Variants in TUNAR observed in about 807,000 individuals in gnomAD.
The protein encoded by TUNAR is protein TUNAR.
At chr14:95,912,523 A>G (rs1317049483) in intron 2 of TUNAR, among the ~76,000 whole-genome samples, 2 of 152,198 alleles carry the variant, frequency 1.3e-5, no homozygotes, top group Admixed American at 6.5e-5. Flanking sequence ...TTATTTTAAC[A>G]TTGTTTGGTT....
intron 2 of TUNAR, among the ~76,000 whole-genome samples, chr14:95,917,787 A>G (rs74085762): frequency 0.039 from 5,951 of 152,318 alleles, 386 homozygotes; most frequent in African/African-American, 0.13. Flanking sequence ...TTAAAAATTA[A>G]CATCTTGATT....
At chr14:95,893,749 G>A (rs1889216351) in intron 2 of TUNAR, among the ~76,000 whole-genome samples, 1 of 152,212 alleles carries the variant, frequency 6.6e-6, no homozygotes, top group African/African-American at 2.4e-5. Context: ...CTCATGCCCA[G>A]GCTCCTCACT....
chr14:95,883,823 C>T (rs191787941), intron 2 of TUNAR, among the ~76,000 whole-genome samples: 2 of 152,176 alleles, frequency 1.3e-5, no homozygotes, highest in African/African-American at 4.8e-5. Context: ...TCCATGGAAA[C>T]ACCAGGTGAG....
intron 2 of TUNAR, among the ~76,000 whole-genome samples, chr14:95,920,446 T>C (rs1466130892): frequency 6.6e-6 from 1 of 152,048 alleles, no homozygotes; most frequent in Non-Finnish European, 1.5e-5. Flanking sequence ...ACCGAACGAA[T>C]CCAACTAGAA....
At chr14:95,902,207 T>G (rs548449357) in intron 2 of TUNAR, among the ~76,000 whole-genome samples, 24 of 152,284 alleles carry the variant, frequency 1.6e-4, no homozygotes, top group African/African-American at 5.8e-4. Context: ...TTTTCAAGTT[T>G]TTTTTTAACC....
intron 2 of TUNAR, among the ~76,000 whole-genome samples, chr14:95,882,695 T>G (rs1318411953): frequency 6.6e-6 from 1 of 152,194 alleles, no homozygotes; most frequent in Non-Finnish European, 1.5e-5. Context: ...GATGAGCTGC[T>G]GTATGTACCT....
chr14:95,888,582 A>G (rs537705361), intron 2 of TUNAR, among the ~76,000 whole-genome samples: 11 of 152,204 alleles, frequency 7.2e-5, no homozygotes, highest in Admixed American at 7.2e-4. Flanking sequence ...GGAGGCTGGC[A>G]CAGCTGAGAC....
intron 2 of TUNAR, among the ~76,000 whole-genome samples, chr14:95,877,901 GT>G (rs1789683988): frequency 6.6e-6 from 1 of 152,162 alleles, no homozygotes; most frequent in Non-Finnish European, 1.5e-5. Context: ...GTTTTCCTAG[GT>G]GTTCTCTTTC....
At chr14:95,880,748 T>A (rs1566783802) in intron 2 of TUNAR, among the ~76,000 whole-genome samples, 1 of 152,086 alleles carries the variant, frequency 6.6e-6, no homozygotes, top group African/African-American at 2.4e-5. Flanking sequence ...TTTTGCCAGG[T>A]TTTGTGTGTA....
At chr14:95,902,379 A>G (rs150867263) in intron 2 of TUNAR, among the ~76,000 whole-genome samples, 11 of 152,330 alleles carry the variant, frequency 7.2e-5, no homozygotes, top group African/African-American at 2.2e-4. Context: ...GAATTTTTGT[A>G]TCTCAGAAGA....
intron 2 of TUNAR, among the ~76,000 whole-genome samples, chr14:95,882,008 G>A (rs1402589956): frequency 6.6e-6 from 1 of 152,150 alleles, no homozygotes; most frequent in African/African-American, 2.4e-5. Context: ...TTGGATCACT[G>A]AGCTGCTTAT....
At chr14:95,888,808 G>A (rs998405866) in intron 2 of TUNAR, among the ~76,000 whole-genome samples, 1 of 135,510 alleles carries the variant, frequency 7.4e-6, no homozygotes. Flanking sequence ...TCGAGGGGAT[G>A]GGGGGGGCAG....
intron 2 of TUNAR, among the ~76,000 whole-genome samples, chr14:95,915,906 T>G (rs1222845302): frequency 6.6e-6 from 1 of 152,242 alleles, no homozygotes; most frequent in Non-Finnish European, 1.5e-5. Context: ...GCACTCTGTC[T>G]TTCCAGAAAA....
chr14:95,923,450 C>G (rs1889731636), exon 3 of TUNAR: 1 of 152,804 alleles, frequency 6.5e-6, no homozygotes, highest in African/African-American at 2.4e-5. Flanking sequence ...TCAAAAGTGT[C>G]TAACTATTTG....
At chr14:95,880,699 A>C in intron 2 of TUNAR, among the ~76,000 whole-genome samples, 1 of 152,182 alleles carries the variant, frequency 6.6e-6, no homozygotes, top group East Asian at 1.9e-4. Context: ...GAAGCTGGGA[A>C]ATGGTGAGGA....
Position 95,921,666 on chromosome 14 carries a change from T to C in TUNAR, c.13-1115T>C, listed in dbSNP as rs1889698897. Among the ~76,000 whole-genome samples the C allele has an allele frequency of 2.0e-5, 3 of 152,308 alleles. No individual in the cohort carries two copies. The South Asian group carries it at 6.2e-4, about 32-fold the overall frequency. ...GAAGGCCACTGGTGCCCCTCCCTCA[T>C]GGCAGCCTGCTCCACTCTTGCCTGG... On this transcript the variant is annotated intron_variant, in intron 2 of 2. Coordinates refer to ENST00000678517, the Ensembl canonical transcript of TUNAR.
chr14:95,920,917 C>G (rs766557441), intron 2 of TUNAR, among the ~76,000 whole-genome samples: 12 of 152,090 alleles, frequency 7.9e-5, no homozygotes, highest in Non-Finnish European at 1.3e-4. Context: ...ACCAGCAAGT[C>G]CTGAGATCCG....
chr14:95,905,234 G>A lies in TUNAR; in HGVS notation c.13-17547G>A, dbSNP rs138470819. Among the ~76,000 whole-genome samples the A allele has an allele frequency of 2.9e-3, 443 of 152,278 alleles. 4 individuals carry two copies. Among genetic ancestry groups the A allele is most frequent in the African/African-American group, 9.8e-3 (406 of 41,556 alleles). ...TCAGCAAACCCAGGAAGTTACCAAC[G>A]TGTAATACTATTAACTCAATTGCAC... On this transcript the variant is annotated intron_variant, in intron 2 of 2. Coordinates refer to ENST00000678517, the Ensembl canonical transcript of TUNAR.
chr14:95,920,863 A>G (rs1889687781), intron 2 of TUNAR, among the ~76,000 whole-genome samples: 1 of 152,214 alleles, frequency 6.6e-6, no homozygotes, highest in Admixed American at 6.5e-5. Context: ...ATATAGGTGT[A>G]TATAAAGAGA....
Sources: gnomAD v4.1 joint callset for allele counts (sites outside exome capture counted in the v4.1 genomes callset) on GRCh38, gnomAD v4.1.1 for gene constraint, MANE v1.5 for transcripts, NCBI Gene and HGNC (gene_info 2026-07-23, HGNC 2026-07-21) for gene names.